The following PCDHGA1 variants were observed in gnomAD, a reference collection of about 807,000 sequenced individuals.
The protein encoded by PCDHGA1 is protocadherin gamma subfamily A, 1.
A neutral mutation model predicts 58.0 loss-of-function variants in PCDHGA1; 32 were observed. The ratio of observed to expected loss-of-function variants is 0.55; its 90% confidence interval spans 0.42 to 0.74. The LOEUF (loss-of-function observed/expected upper bound fraction) is 0.74, where lower values mean the gene tolerates loss of function less well. PCDHGA1 is among the 30% of genes least tolerant of loss of function. The probability of loss-of-function intolerance (pLI) is 0.00; values close to 1 mark genes in which losing one functional copy is unlikely to be tolerated. For missense variants in PCDHGA1, 1,205 were observed against 1,182.3 expected (o/e 1.02, Z -0.28); for synonymous variants, 498 against 501.1 (o/e 0.99, Z 0.08).
intron 1 of PCDHGA1, chr5:141,417,490 T>C (rs1296739869): frequency 4.7e-6 from 1 of 210,618 alleles, no homozygotes; most frequent in Non-Finnish European, 9.3e-6. Context: ...AAGGAATCAC[T>C]GAGGAAAAAG....
At chr5:141,448,000 C>T (rs1363676731) in intron 1 of PCDHGA1, among the ~76,000 whole-genome samples, 3 of 151,840 alleles carry the variant, frequency 2.0e-5, no homozygotes, top group Non-Finnish European at 4.4e-5. Flanking sequence ...GCATGAGAAT[C>T]GCTTGAACCC....
intron 1 of PCDHGA1, among the ~76,000 whole-genome samples, chr5:141,474,312 T>G (rs1358237994): frequency 6.6e-6 from 1 of 152,228 alleles, no homozygotes; most frequent in African/African-American, 2.4e-5. Flanking sequence ...AACTTTAATG[T>G]GTTTTCAAAT....
chr5:141,340,589 C>A (rs774923694), intron 1 of PCDHGA1: 3 of 1,614,254 alleles, frequency 1.9e-6, no homozygotes, highest in Non-Finnish European at 2.5e-6. Context: ...CAGCGGGAAC[C>A]CTCCACTCAG....
intron 1 of PCDHGA1, among the ~76,000 whole-genome samples, chr5:141,488,655 G>C (rs1438020338): frequency 6.6e-6 from 1 of 152,164 alleles, no homozygotes. Flanking sequence ...GATGGGGGAG[G>C]GTGGGGGAAT....
intron 1 of PCDHGA1, among the ~76,000 whole-genome samples, chr5:141,336,198 A>G (rs1020166218): frequency 6.6e-6 from 1 of 152,102 alleles, no homozygotes; most frequent in Admixed American, 6.5e-5. Context: ...GAGAAAATGA[A>G]AATTCTGTCA....
intron 1 of PCDHGA1, chr5:141,405,249 G>C: frequency 1.2e-6 from 2 of 1,614,128 alleles, no homozygotes; most frequent in Non-Finnish European, 1.7e-6. Flanking sequence ...TCAAGGAAGA[G>C]TCACCTGATC....
intron 1 of PCDHGA1, among the ~76,000 whole-genome samples, chr5:141,444,152 ATTTTTTTTTTTTTTTT>A (rs747671382): frequency 6.3e-3 from 214 of 33,896 alleles, no homozygotes; most frequent in African/African-American, 0.023. Flanking sequence ...TGTGTACTGG[ATTTTTTTTTTTTTTTT>A]TTTTTTTTTT....
chr5:141,394,253 C>A (rs771138606), intron 1 of PCDHGA1: 1 of 1,613,986 alleles, frequency 6.2e-7, no homozygotes, highest in Admixed American at 1.7e-5. Flanking sequence ...ACGACCCCGA[C>A]AGCCAGGAGA....
intron 1 of PCDHGA1, among the ~76,000 whole-genome samples, chr5:141,336,611 G>A (rs778425083): frequency 6.6e-6 from 1 of 152,062 alleles, no homozygotes; most frequent in African/African-American, 2.4e-5. Context: ...AATTCAAAAT[G>A]GATCAAAGAA....
chr5:141,490,641 G>A lies in PCDHGA1; in HGVS notation c.2422-4166G>A. 3 of 1,614,160 alleles carry A rather than the reference G, an allele frequency of 1.9e-6. No homozygotes were observed. On this transcript the variant is annotated intron_variant, in intron 1 of 3. Transcript: ENST00000517417. This position sits in a 1 kb window ranked among gnomAD's most constrained non-coding sequence, Gnocchi z 5.4. Reference sequence around the variant, plus strand: ...ACACTGCTTACATCCTAGAAAACCGGCCTCCGGGCTCCCTTCTTTGCACTG... The same window carrying A: ...ACACTGCTTACATCCTAGAAAACCGACCTCCGGGCTCCCTTCTTTGCACTG...
chr5:141,372,879 G>T (rs1269761634), intron 1 of PCDHGA1: 2 of 1,265,292 alleles, frequency 1.6e-6, no homozygotes, highest in Admixed American at 2.7e-5. Context: ...GAGATAAAAA[G>T]AATACAGATT....
intron 1 of PCDHGA1, chr5:141,417,732 C>G (rs2096153715): frequency 4.3e-6 from 6 of 1,390,462 alleles, no homozygotes; most frequent in Non-Finnish European, 3.8e-6. Flanking sequence ...AGACCTTGCC[C>G]AGCACACCAG....
rs966319513 is a variant in PCDHGA1 at position 141,366,126 on chromosome 5, G to A, written c.2421+33021G>A. 6 of 1,614,214 alleles carry A rather than the reference G, an allele frequency of 3.7e-6. No homozygotes were observed. The South Asian group carries it at 5.5e-5, about 15-fold the overall frequency. Reference sequence around the variant, plus strand: ...GTGGTAGCGGTGGACAAAGATTCAGGCCAGAACGCCTGGCTGTCCTACCGC... The same window carrying A: ...GTGGTAGCGGTGGACAAAGATTCAGACCAGAACGCCTGGCTGTCCTACCGC... On this transcript the variant is annotated intron_variant, in intron 1 of 3. Transcript: ENST00000517417.
At position 141,491,744 on chromosome 5, in the gene PCDHGA1, C is replaced by T; in HGVS notation, c.2422-3063C>T. 6.3e-7 allele frequency: 1 copy of T among 1,592,720 alleles called. No individual in the cohort carries two copies. Among genetic ancestry groups the T allele is most frequent in the African/African-American group, 1.3e-5 (1 of 74,122 alleles). Reference sequence around the variant, plus strand: ...CCCCGGGCGACCCCTGGGGGCGGCACTGGAGAAGCCGCCCGTCCTCATAAG... The same window carrying T: ...CCCCGGGCGACCCCTGGGGGCGGCATTGGAGAAGCCGCCCGTCCTCATAAG... On this transcript the variant is annotated intron_variant, in intron 1 of 3. Transcript: ENST00000517417. The surrounding 1 kb of genome is among the most constrained non-coding windows in gnomAD (Gnocchi z 6.9).
intron 1 of PCDHGA1, chr5:141,360,512 T>C (rs551303336): frequency 1.2e-6 from 2 of 1,613,978 alleles, no homozygotes; most frequent in Non-Finnish European, 1.7e-6. Flanking sequence ...GTGCAGGATA[T>C]AAATGATAAT....
chr5:141,383,276 T>G lies in PCDHGA1; in HGVS notation c.2421+50171T>G, dbSNP rs550293015. The G allele has an allele frequency of 3.8e-5, 61 of 1,613,822 alleles. No homozygotes were observed. The highest frequency in any genetic ancestry group is 5.1e-5 in the Non-Finnish European group (60 of 1,179,878). Reference sequence around the variant, plus strand: ...CCTATAGACGTGGAAATAATAGATATTAATGACAACGTTCCAAGATTCTTG... The same window carrying G: ...CCTATAGACGTGGAAATAATAGATAGTAATGACAACGTTCCAAGATTCTTG... On this transcript the variant is annotated intron_variant, in intron 1 of 3. Transcript: ENST00000517417.
At chr5:141,421,025 A>C (rs1047305594) in intron 1 of PCDHGA1, 4 of 526,168 alleles carry the variant, frequency 7.6e-6, no homozygotes, top group African/African-American at 5.9e-5. Context: ...GCTGCGCGCC[A>C]TTGAGTCCCT....
At position 141,399,337 on chromosome 5, in the gene PCDHGA1, GGAACCCTAGACC is replaced by G. The variant is rs754766358; in HGVS notation, c.2421+66235_2421+66246del. 29 of 1,613,990 alleles carry G rather than the reference GGAACCCTAGACC, an allele frequency of 1.8e-5. No individual in the cohort carries two copies. In the South Asian group the frequency reaches 3.1e-4, roughly 17 times the overall value. Reference sequence around the variant, plus strand: ...AAATTCGTATAAGTTGGTAACAGATGGAACCCTAGACCGAGAGCAAACCCCGGAGTACAATGT... The same window carrying G: ...AAATTCGTATAAGTTGGTAACAGATGGAGAGCAAACCCCGGAGTACAATGT... On this transcript the variant is annotated intron_variant, in intron 1 of 3. Transcript: ENST00000517417.
intron 1 of PCDHGA1, among the ~76,000 whole-genome samples, chr5:141,445,332 A>G (rs1364481039): frequency 1.4e-4 from 22 of 152,140 alleles, no homozygotes; most frequent in Admixed American, 1.4e-3. Context: ...CCATCCAGAA[A>G]CAGTAAACAT....
Sources: allele counts gnomAD v4.1 joint callset (sites outside exome capture counted in the v4.1 genomes callset), GRCh38; gene constraint gnomAD v4.1.1; non-coding constraint Gnocchi (gnomAD v3.1); transcripts MANE v1.5; gene names NCBI Gene and HGNC (gene_info 2026-07-23, HGNC 2026-07-21).